The following MET variants were observed in gnomAD, a reference collection of about 807,000 sequenced individuals.
MET encodes MET proto-oncogene, receptor tyrosine kinase, also known as hepatocyte growth factor receptor.
A neutral mutation model predicts 133.1 loss-of-function variants in MET; 48 were observed. The ratio of observed to expected loss-of-function variants is 0.36; its 90% CI spans 0.29 to 0.46. The LOEUF is 0.46. Ranked by LOEUF, MET falls within the 20% of genes least tolerant of loss-of-function variation. MET has a pLI of 1.00. For missense variants in MET, 1,442 were observed against 1,695.9 expected, an observed-to-expected ratio of 0.85 and a Z score of 2.63; for synonymous variants, 628 against 616.5, an observed-to-expected ratio of 1.02 and a Z score of -0.28.
intron 5 of MET, among the ~76,000 whole-genome samples, chr7:116,748,722 G>A (rs1480847553): frequency 6.6e-6 from 1 of 152,124 alleles, no homozygotes; most frequent in African/African-American, 2.4e-5. Context: ...GAATCATCAA[G>A]AAGAAAAGAG....
chr7:116,780,837 G>C (rs902936792), intron 17 of MET, among the ~76,000 whole-genome samples: 1 of 152,208 alleles, frequency 6.6e-6, no homozygotes, highest in South Asian at 2.1e-4. Flanking sequence ...GACATCACCA[G>C]ACTTGACAGC....
At chr7:116,680,224 C>A (rs1442787118) in intron 1 of MET, among the ~76,000 whole-genome samples, 1 of 152,194 alleles carries the variant, frequency 6.6e-6, no homozygotes, top group African/African-American at 2.4e-5. Context: ...TCAGCACTGA[C>A]TTATTTATAC....
intron 12 of MET, among the ~76,000 whole-genome samples, chr7:116,770,380 T>C (rs944188070): frequency 6.6e-6 from 1 of 152,178 alleles, no homozygotes; most frequent in African/African-American, 2.4e-5. Context: ...TGGGTTTCAG[T>C]ATATTATATT....
Position 116,757,727 on chromosome 7 carries a change from G to A in MET, c.2055G>A (p.Gly685=), listed in dbSNP as rs766401668. 6 of 1,613,834 alleles carry A rather than the reference G, an allele frequency of 3.7e-6. No homozygotes were observed. In the African/African-American group the frequency reaches 8.0e-5, roughly 22 times the overall value. Residue 685 remains glycine (G), a synonymous_variant, in exon 8 of 21, where the codon GGG becomes GGA. Transcript: ENST00000397752. The stretch of plus-strand genomic sequence containing the variant: ...TAACTGGAAATTACCTAAACAGTGG[G>A]AATTCTAGACACATTTCAATTGGTG... ...LTLTGNYLNS[G]NSRHISIGGK...
In MET at chr7:116,782,006, C is replaced by A. The variant is rs1318638076; in HGVS notation, c.3541C>A (p.Leu1181Ile). The A allele has an allele frequency of 6.2e-7, 1 of 1,613,118 alleles. No individual in the cohort carries two copies. ...NETHNPTVKD[L>I]IGFGLQVAKG... ...ACTGCAGAATCCAACTGTAAAAGAT[C>A]TTATTGGCTTTGGTCTTCAAGTAGC... Residue 1181 changes from leucine (L) to isoleucine (I), a missense_variant, in exon 18 of 21, where the codon CTT becomes ATT. By Grantham distance (5) the Leu-to-Ile change is conservative (BLOSUM62 2). Coordinates refer to ENST00000397752, the MANE Select transcript of MET (RefSeq NM_000245.4).
intron 18 of MET, among the ~76,000 whole-genome samples, chr7:116,782,988 T>C (rs1562935618): frequency 1.3e-5 from 2 of 152,206 alleles, no homozygotes; most frequent in Admixed American, 6.5e-5. Flanking sequence ...GCATACTTCA[T>C]TTAGCAACCA....
intron 11 of MET, among the ~76,000 whole-genome samples, chr7:116,764,468 G>T (rs1794538590): frequency 6.6e-6 from 1 of 151,466 alleles, no homozygotes. Flanking sequence ...GATTCCATTT[G>T]GTTTTTCTTG....
At chr7:116,688,049 C>T (rs940188755) in intron 1 of MET, among the ~76,000 whole-genome samples, 2 of 152,182 alleles carry the variant, frequency 1.3e-5, no homozygotes, top group African/African-American at 4.8e-5. Flanking sequence ...TGGAATTGTA[C>T]CATGCTTTAT....
chr7:116,697,625 A>G lies in MET; in HGVS notation c.-14-1446A>G, dbSNP rs1288970736. Among the ~76,000 whole-genome samples, 3 of 152,232 alleles carry G rather than the reference A, an allele frequency of 2.0e-5. No homozygotes were observed. In the East Asian group the frequency reaches 5.8e-4, roughly 29 times the overall value. ...TCGGCTTAATTTTTATTCATCATTT[A>G]TTCAGTATCTATTTGTTTAACACCT... On this transcript the variant is annotated intron_variant, in intron 1 of 20. Transcript: ENST00000397752.
intron 5 of MET, among the ~76,000 whole-genome samples, chr7:116,749,780 T>C (rs1032751404): frequency 1.3e-5 from 2 of 152,166 alleles, no homozygotes; most frequent in Non-Finnish European, 1.5e-5. Context: ...ACAAAATCAA[T>C]GTGCAAAAAT....
intron 17 of MET, 53 bp downstream of exon 17, chr7:116,779,010 C>G (rs1334473920): frequency 1.3e-6 from 2 of 1,587,216 alleles, no homozygotes; most frequent in Non-Finnish European, 1.7e-6. Context: ...AGCCAGCCAT[C>G]CCTTCAAAAT....
chr7:116,736,754 C>A (rs1562906807), intron 3 of MET, among the ~76,000 whole-genome samples: 1 of 152,192 alleles, frequency 6.6e-6, no homozygotes, highest in Non-Finnish European at 1.5e-5. Flanking sequence ...AAAAAATATC[C>A]TGTGACCTAA....
rs531987026 is a variant in MET at position 116,758,117 on chromosome 7, C to T, written c.2103-342C>T. ...ATTTTCATCAAGATTTGTAATTAGA[C>T]TAAGTCACTCTGGGGAAGGAAGAAA... is the stretch of plus-strand genomic sequence containing the variant. On this transcript the variant is annotated intron_variant, in intron 8 of 20. Transcript: ENST00000397752. Among the ~76,000 whole-genome samples, 13 of 152,206 alleles carry T rather than the reference C, an allele frequency of 8.5e-5. No homozygotes were observed. In the South Asian group the frequency reaches 1.4e-3, roughly 17 times the overall value.
chr7:116,788,777 A>G (rs934490293), intron 19 of MET, among the ~76,000 whole-genome samples: 1 of 152,204 alleles, frequency 6.6e-6, no homozygotes, highest in South Asian at 2.1e-4. Context: ...GCAATGAGCT[A>G]TGTGTATGTT....
At chr7:116,676,897 A>G (rs1796177160) in intron 1 of MET, among the ~76,000 whole-genome samples, 1 of 152,072 alleles carries the variant, frequency 6.6e-6, no homozygotes, top group Admixed American at 6.5e-5. Context: ...GCCTGCCATC[A>G]TTAGCTACCA....
At chr7:116,707,996 A>G (rs903422061) in intron 2 of MET, among the ~76,000 whole-genome samples, 2 of 152,166 alleles carry the variant, frequency 1.3e-5, no homozygotes, top group African/African-American at 4.8e-5. Flanking sequence ...GGATTAATTC[A>G]TGTAACCAAG....
intron 2 of MET, among the ~76,000 whole-genome samples, chr7:116,717,312 A>G (rs139261309): frequency 5.3e-5 from 8 of 152,354 alleles, no homozygotes; most frequent in African/African-American, 1.7e-4. Context: ...AAATATGTCT[A>G]TAAGAAACAG....
At chr7:116,674,750 C>T (rs1658404070) in intron 1 of MET, among the ~76,000 whole-genome samples, 2 of 152,328 alleles carry the variant, frequency 1.3e-5, no homozygotes, top group Admixed American at 1.3e-4. Flanking sequence ...AACCCTTTCC[C>T]TTGGTTTGGT....
At chr7:116,716,963 C>G (rs1047990709) in intron 2 of MET, among the ~76,000 whole-genome samples, 6 of 152,184 alleles carry the variant, frequency 3.9e-5, no homozygotes, top group African/African-American at 1.2e-4. Context: ...TTTGCCCCCC[C>G]CAGCTTTGCT....
Sources: gnomAD v4.1 joint callset for allele counts (sites outside exome capture counted in the v4.1 genomes callset) on GRCh38, gnomAD v4.1.1 for gene constraint, MANE v1.5 for transcripts, NCBI Gene and HGNC (gene_info 2026-07-23, HGNC 2026-07-21) for gene names.